PSAP: variants seen among roughly 807,000 people sequenced by gnomAD.
The protein encoded by PSAP is prosaposin, also known as precursor of saposins.
PSAP carries 25 observed loss-of-function variants against 66.0 expected under a neutral mutation model. The ratio of observed to expected loss-of-function variants is 0.38; its 90% CI spans 0.28 to 0.53. PSAP has a LOEUF of 0.53. Among genes scored for constraint, PSAP ranks in the 20% least tolerant of loss-of-function variants. PSAP has a pLI of 0.83. For synonymous variants in PSAP, 273 were observed against 258.9 expected (o/e 1.05, Z -0.52); for missense variants, 649 against 668.8 (o/e 0.97, Z 0.33).
chr10:71,829,039 G>A lies in PSAP; in HGVS notation c.414C>T (p.Cys138=), dbSNP rs769564352. ...CTGCTAGGTGCTTCTGGAGAGACTC[G>A]CAGAGGTTGAGAGCAGAGCACACCT... ...PGEVCSALNL[C]ESLQKHLAEL... Residue 138 remains cysteine, a synonymous_variant, in exon 5 of 14, where the codon TGC becomes TGT. Transcript: ENST00000394936. The A allele has an allele frequency of 3.5e-5, 57 of 1,613,968 alleles. No homozygotes were observed. The highest frequency in any genetic ancestry group is 4.8e-5 in the Non-Finnish European group (57 of 1,180,012).
At chr10:71,837,434 TC>T (rs1376800780) in intron 1 of PSAP, among the ~76,000 whole-genome samples, 1 of 152,228 alleles carries the variant, frequency 6.6e-6, no homozygotes, top group African/African-American at 2.4e-5. Flanking sequence ...TGGATCCCTT[TC>T]CCAGAAACTT....
At chr10:71,846,643 A>G (rs1360213193) in intron 1 of PSAP, among the ~76,000 whole-genome samples, 1 of 150,506 alleles carries the variant, frequency 6.6e-6, no homozygotes, top group Admixed American at 6.7e-5. Context: ...GAGGTATGAG[A>G]ATCACTTAAA....
At chr10:71,848,381 G>C (rs1361613516) in intron 1 of PSAP, among the ~76,000 whole-genome samples, 1 of 152,206 alleles carries the variant, frequency 6.6e-6, no homozygotes. Flanking sequence ...GCACTGTGGA[G>C]TCTTGGGTTC....
rs1462057778 is a variant in PSAP at position 71,833,190 on chromosome 10, G to A, written c.174+1182C>T. Among the ~76,000 whole-genome samples the A allele has an allele frequency of 3.9e-5, 6 of 152,288 alleles. No individual in the cohort carries two copies. The South Asian group carries it at 6.2e-4, about 16-fold the overall frequency. ...ATCTGAAAGTAGTTTCAGGCCAGTCGTGGTAGCCCACGCCTGTAATCACAG... is the reference window on the plus strand; with the variant it reads ...ATCTGAAAGTAGTTTCAGGCCAGTCATGGTAGCCCACGCCTGTAATCACAG... On this transcript the variant is annotated intron_variant, in intron 2 of 13. Transcript: ENST00000394936.
chr10:71,827,879 T>C, intron 6 of PSAP, 135 bp downstream of exon 6: 2 of 1,230,550 alleles, frequency 1.6e-6, no homozygotes, highest in Non-Finnish European at 2.3e-6. Flanking sequence ...CCAAAATAGA[T>C]TCAAGTCTGC....
Position 71,817,440 on chromosome 10 carries a change from C to A in PSAP, c.*1G>T. On this transcript the variant is annotated 3_prime_UTR_variant, in exon 14 of 14. Transcript: ENST00000394936. ...TCTGCCAAGATGGAATATTCCTCCTCCTAGTTCCACACATGGCGTTTGCAA... is the reference window on the plus strand; with the variant it reads ...TCTGCCAAGATGGAATATTCCTCCTACTAGTTCCACACATGGCGTTTGCAA... 1 of 1,614,120 alleles carries A rather than the reference C, an allele frequency of 6.2e-7. No homozygotes were observed. Among genetic ancestry groups the A allele is most frequent in the Non-Finnish European group, 8.5e-7 (1 of 1,179,958 alleles).
At chr10:71,830,353 G>C (rs972795137) in intron 4 of PSAP, among the ~76,000 whole-genome samples, 1 of 152,182 alleles carries the variant, frequency 6.6e-6, no homozygotes, top group Non-Finnish European at 1.5e-5. Context: ...CATTTCCACT[G>C]TCCACATCAC....
chr10:71,839,280 C>A (rs1316440895), intron 1 of PSAP, among the ~76,000 whole-genome samples: 2 of 152,090 alleles, frequency 1.3e-5, no homozygotes, highest in Admixed American at 6.6e-5. Context: ...GCTCTTGTCG[C>A]CCAGGCTGGA....
rs370870425 is a variant in PSAP at position 71,817,112 on chromosome 10, T to C, written c.*329A>G. The C allele has an allele frequency of 4.4e-5, 20 of 452,310 alleles. No individual in the cohort carries two copies. Among genetic ancestry groups the C allele is most frequent in the Admixed American group, 6.9e-5 (2 of 29,188 alleles). The allele number at this position is 452,310 out of a possible 1,614,324, so 28.0% of individuals were successfully genotyped here. ...CAGAACAAGGCCTCAACCAAGAGGG[T>C]TGATGGCCTCCAGTCAAGAAACTGT... On this transcript the variant is annotated 3_prime_UTR_variant, in exon 14 of 14. Coordinates refer to ENST00000394936, the MANE Select transcript of PSAP (RefSeq NM_002778.4).
At chr10:71,842,004 T>C (rs913339639) in intron 1 of PSAP, among the ~76,000 whole-genome samples, 2 of 142,392 alleles carry the variant, frequency 1.4e-5, no homozygotes, top group South Asian at 4.5e-4. Flanking sequence ...AGACTCCGTC[T>C]TAAAAAAAAA....
chr10:71,831,238 A>G lies in PSAP; in HGVS notation c.263T>C (p.Val88Ala), dbSNP rs745762802. 2 of 1,614,068 alleles carry G rather than the reference A, an allele frequency of 1.2e-6. No individual in the cohort carries two copies. Among genetic ancestry groups the G allele is most frequent in the Middle Eastern group, 1.7e-4 (1 of 6,058 alleles). ...KDNATEEEIL[V>A]YLEKTCDWLP... ...CCAGTCACAGGTCTTCTCCAAGTAA[A>G]CAAGGATCTCCTCCTACGAGAGGAC... is the stretch of plus-strand genomic sequence containing the variant. The change falls in exon 4 of 14, where the codon GTT (valine) becomes GCT (alanine). Residue 88 changes from valine (V) to alanine (A), a missense_variant. By Grantham distance (64) the Val-to-Ala change is moderately conservative (BLOSUM62 0). Coordinates refer to ENST00000394936, the MANE Select transcript of PSAP (RefSeq NM_002778.4).
intron 2 of PSAP, among the ~76,000 whole-genome samples, chr10:71,832,752 C>T (rs997069926): frequency 7.2e-5 from 11 of 151,906 alleles, no homozygotes; most frequent in African/African-American, 1.7e-4. Context: ...AAGAGAGGGC[C>T]GGGCCGGGCG....
At chr10:71,848,675 G>GA (rs1842869614) in intron 1 of PSAP, among the ~76,000 whole-genome samples, 1 of 152,240 alleles carries the variant, frequency 6.6e-6, no homozygotes, top group African/African-American at 2.4e-5. Context: ...GTGTCACGAA[G>GA]AAAGTTCTAA....
chr10:71,835,345 G>A (rs1842600591), intron 1 of PSAP, among the ~76,000 whole-genome samples: 1 of 152,178 alleles, frequency 6.6e-6, no homozygotes, highest in Non-Finnish European at 1.5e-5. Flanking sequence ...CACTTTGAGA[G>A]GCCGAGGTGG....
intron 2 of PSAP, among the ~76,000 whole-genome samples, chr10:71,834,093 G>A (rs1414465452): frequency 6.6e-6 from 1 of 152,202 alleles, no homozygotes; most frequent in Non-Finnish European, 1.5e-5. Flanking sequence ...GCATGGGGCA[G>A]GCACCTGGAG....
intron 6 of PSAP, among the ~76,000 whole-genome samples, chr10:71,827,499 G>C (rs1564818911): frequency 6.6e-6 from 1 of 152,024 alleles, no homozygotes; most frequent in Non-Finnish European, 1.5e-5. Flanking sequence ...GGCTGAAGCG[G>C]GCAGATCACT....
intron 1 of PSAP, among the ~76,000 whole-genome samples, chr10:71,837,959 T>C (rs555731242): frequency 6.6e-6 from 1 of 152,194 alleles, no homozygotes; most frequent in East Asian, 1.9e-4. Context: ...GGGGGAATGG[T>C]CTCACCTGCC....
At chr10:71,842,483 C>CGTAAACACAA (rs1270105184) in intron 1 of PSAP, among the ~76,000 whole-genome samples, 6 of 152,010 alleles carry the variant, frequency 3.9e-5, no homozygotes, top group African/African-American at 1.2e-4. Context: ...ATACAGCCCA[C>CGTAAACACAA]GTAAACACAA....
At chr10:71,818,763 G>T in intron 12 of PSAP, 39 bp from the exon 13 acceptor site, 1 of 1,512,054 alleles carries the variant, frequency 6.6e-7, no homozygotes, top group South Asian at 1.1e-5. Context: ...GGGGGAGAAT[G>T]AGAGCTGCCC....
Sources: gnomAD v4.1 joint callset for allele counts (sites outside exome capture counted in the v4.1 genomes callset) on GRCh38, gnomAD v4.1.1 for gene constraint, MANE v1.5 for transcripts, NCBI Gene and HGNC (gene_info 2026-07-23, HGNC 2026-07-21) for gene names.